The following SPAG16 variants were observed in gnomAD, a reference collection of about 807,000 sequenced individuals.
SPAG16 encodes sperm-associated antigen 16 protein.
In SPAG16, 86 loss-of-function variants were observed where a neutral mutation model predicts 80.4. The ratio of observed to expected loss-of-function variants is 1.07; its 90% CI spans 0.90 to 1.28. The LOEUF (loss-of-function observed/expected upper bound fraction) is 1.28. SPAG16 is among the 50% of genes most tolerant of loss of function. The probability of loss-of-function intolerance (pLI) is 0.00; values close to 1 mark genes in which losing one functional copy is unlikely to be tolerated. For missense variants in SPAG16, 870 were observed against 765.3 expected (o/e 1.14, Z -1.61); for synonymous variants, 294 against 265.9 (o/e 1.11, Z -1.03).
chr2:213,659,059 A>T (rs1329806396), intron 10 of SPAG16, among the ~76,000 whole-genome samples: 3 of 152,126 alleles, frequency 2.0e-5, no homozygotes, highest in African/African-American at 7.2e-5. Flanking sequence ...ACACAACACT[A>T]ATAGCCACTC....
chr2:214,150,654 T>A (rs2161023), intron 15 of SPAG16, among the ~76,000 whole-genome samples: 3,765 of 152,168 alleles, frequency 0.025, 157 homozygotes, highest in East Asian at 0.18. Context: ...GTCTTTGAAT[T>A]TTGAACTCCG....
intron 11 of SPAG16, among the ~76,000 whole-genome samples, chr2:213,884,599 T>G (rs2076482426): frequency 6.6e-6 from 1 of 152,142 alleles, no homozygotes; most frequent in Admixed American, 6.5e-5. Context: ...TTCCAAGTTG[T>G]TTATTCTCTC....
chr2:213,435,386 G>A (rs1055749346), intron 9 of SPAG16, among the ~76,000 whole-genome samples: 3 of 152,138 alleles, frequency 2.0e-5, no homozygotes, highest in African/African-American at 7.2e-5. Context: ...TGGGAAAGGT[G>A]GGTGAGTGGA....
At chr2:213,485,417 T>C (rs1403069099) in intron 9 of SPAG16, among the ~76,000 whole-genome samples, 1 of 152,178 alleles carries the variant, frequency 6.6e-6, no homozygotes, top group Non-Finnish European at 1.5e-5. Context: ...TCCTTTTGGC[T>C]TATCTATCTA....
rs144383393 is a variant in SPAG16 at position 213,374,551 on chromosome 2, T to C, written c.833-459T>C. 1.5e-4 allele frequency among the ~76,000 whole-genome samples: 23 copies of C among 152,186 alleles called. No homozygotes were observed. The East Asian group carries it at 4.2e-3, about 28-fold the overall frequency. On this transcript the variant is annotated intron_variant, in intron 8 of 15. Transcript: ENST00000331683. ...TAGGAGACCAATGTTACAACTATTT[T>C]GAATATTACCCTGTGTTTTTCCTTT... is the stretch of plus-strand genomic sequence containing the variant.
chr2:213,503,997 CAT>C (rs1319499237), intron 10 of SPAG16, among the ~76,000 whole-genome samples: 2 of 152,102 alleles, frequency 1.3e-5, no homozygotes, highest in African/African-American at 2.4e-5. Flanking sequence ...GTATGGCAGA[CAT>C]GTGGGAGTGG....
chr2:214,378,873 G>T (rs1007303367), intron 15 of SPAG16, among the ~76,000 whole-genome samples: 2 of 152,294 alleles, frequency 1.3e-5, no homozygotes, highest in African/African-American at 2.4e-5. Context: ...GTTTCCCCTT[G>T]CTCTATAAGG....
At chr2:214,173,770 C>CA (rs374764252) in intron 15 of SPAG16, among the ~76,000 whole-genome samples, 10 of 151,444 alleles carry the variant, frequency 6.6e-5, no homozygotes, top group Admixed American at 2.6e-4. Context: ...GAGACACAAC[C>CA]AAAAAAGAGA....
At chr2:213,834,259 A>G (rs766221226) in intron 10 of SPAG16, among the ~76,000 whole-genome samples, 1 of 152,162 alleles carries the variant, frequency 6.6e-6, no homozygotes, top group Non-Finnish European at 1.5e-5. Context: ...ACAGACTAAT[A>G]CAACAGTTTA....
intron 15 of SPAG16, among the ~76,000 whole-genome samples, chr2:214,379,673 G>T (rs2126104681): frequency 6.6e-6 from 1 of 152,334 alleles, no homozygotes. Flanking sequence ...GAAAGCAAGA[G>T]TAGATCAAGT....
At chr2:213,595,520 T>C (rs1326365241) in intron 10 of SPAG16, among the ~76,000 whole-genome samples, 1 of 152,124 alleles carries the variant, frequency 6.6e-6, no homozygotes, top group Admixed American at 6.5e-5. Flanking sequence ...CTGTTTTATG[T>C]GGTAACTGTC....
intron 11 of SPAG16, among the ~76,000 whole-genome samples, chr2:213,889,657 A>C (rs1575466979): frequency 6.7e-6 from 1 of 149,250 alleles, no homozygotes; most frequent in East Asian, 1.9e-4. Flanking sequence ...ACATATATAC[A>C]TATACATATA....
chr2:213,315,400 C>T (rs1297229688), intron 4 of SPAG16, among the ~76,000 whole-genome samples: 2 of 151,904 alleles, frequency 1.3e-5, no homozygotes, highest in Admixed American at 6.6e-5. Flanking sequence ...ACCAGCCCCT[C>T]TCACAGACTT....
At chr2:214,159,570 G>T (rs768499311) in intron 15 of SPAG16, among the ~76,000 whole-genome samples, 1 of 151,892 alleles carries the variant, frequency 6.6e-6, no homozygotes, top group Non-Finnish European at 1.5e-5. Flanking sequence ...TGCACAGTTG[G>T]CACTTGTGAT....
intron 9 of SPAG16, among the ~76,000 whole-genome samples, chr2:213,395,232 G>T: frequency 6.6e-6 from 1 of 150,884 alleles, no homozygotes; most frequent in South Asian, 2.1e-4. Context: ...ATTGATTTTT[G>T]CTTTTATCTT....
intron 10 of SPAG16, among the ~76,000 whole-genome samples, chr2:213,630,755 ACTTGTTT>A (rs919792321): frequency 2.0e-5 from 3 of 152,214 alleles, no homozygotes; most frequent in Admixed American, 2.0e-4. Context: ...GGCAGAGAGT[ACTTGTTT>A]CTGACTAGTA....
At chr2:214,276,556 C>G (rs1248782278) in intron 15 of SPAG16, among the ~76,000 whole-genome samples, 4 of 152,122 alleles carry the variant, frequency 2.6e-5, no homozygotes, top group Non-Finnish European at 5.9e-5. Flanking sequence ...ACTTACGATG[C>G]TTAGTTTGGC....
chr2:213,497,525 C>T (rs1432160394), intron 10 of SPAG16, among the ~76,000 whole-genome samples: 1 of 151,638 alleles, frequency 6.6e-6, no homozygotes, highest in Non-Finnish European at 1.5e-5. Context: ...ATGCACAGAG[C>T]ATTTTCAATT....
chr2:213,829,313 G>C (rs897815189), intron 10 of SPAG16, among the ~76,000 whole-genome samples: 1 of 152,060 alleles, frequency 6.6e-6, no homozygotes, highest in Non-Finnish European at 1.5e-5. Context: ...CCAGGGCATT[G>C]CCAATGTGCA....
Sources: allele counts gnomAD v4.1 joint callset (sites outside exome capture counted in the v4.1 genomes callset), GRCh38; gene constraint gnomAD v4.1.1; transcripts MANE v1.5; gene names NCBI Gene and HGNC (gene_info 2026-07-23, HGNC 2026-07-21).